SYNPO2: variants seen among roughly 807,000 people sequenced by gnomAD.
SYNPO2 encodes synaptopodin 2.
SYNPO2 carries 56 observed loss-of-function variants against 85.0 expected under a neutral mutation model. The observed-to-expected ratio is 0.66, with a 90% CI of 0.53 to 0.82. SYNPO2 has a LOEUF of 0.82. SYNPO2 is among the 40% of genes least tolerant of loss of function. The probability of loss-of-function intolerance (pLI) is 0.00; values close to 1 mark genes in which losing one functional copy is unlikely to be tolerated. For synonymous variants in SYNPO2, 602 were observed against 591.1 expected (o/e 1.02, Z -0.27); for missense variants, 1,575 against 1,534.2 (o/e 1.03, Z -0.44).
At chr4:119,032,249 ATCT>A (rs1016481884) in intron 4 of SYNPO2, 62 of 1,425,048 alleles carry the variant, frequency 4.4e-5, no homozygotes, top group Non-Finnish European at 5.5e-5. Flanking sequence ...AAATATATTT[ATCT>A]TCTTTGCACA....
intron 1 of SYNPO2, among the ~76,000 whole-genome samples, chr4:118,944,009 A>C (rs1469288080): frequency 6.6e-6 from 1 of 152,182 alleles, no homozygotes; most frequent in African/African-American, 2.4e-5. Flanking sequence ...TGTTTATTAA[A>C]GATATTACTG....
At chr4:119,001,915 A>G (rs1316766154) in intron 1 of SYNPO2, among the ~76,000 whole-genome samples, 2 of 152,104 alleles carry the variant, frequency 1.3e-5, no homozygotes. Flanking sequence ...TCTCAGTTGT[A>G]AAAATTATTC....
chr4:118,947,065 A>G (rs1475290357), intron 1 of SYNPO2, among the ~76,000 whole-genome samples: 1 of 152,228 alleles, frequency 6.6e-6, no homozygotes, highest in Non-Finnish European at 1.5e-5. Context: ...CTCTATCAAA[A>G]TGAATATTTC....
At chr4:118,946,086 A>T (rs1303656193) in intron 1 of SYNPO2, among the ~76,000 whole-genome samples, 3 of 152,162 alleles carry the variant, frequency 2.0e-5, no homozygotes, top group Non-Finnish European at 2.9e-5. Flanking sequence ...ACCTGGAAAA[A>T]GCAAGATGAC....
intron 1 of SYNPO2, among the ~76,000 whole-genome samples, chr4:118,853,872 T>C (rs994128098): frequency 6.6e-6 from 1 of 152,308 alleles, no homozygotes; most frequent in South Asian, 2.1e-4. Context: ...ACATGGAATA[T>C]GTGCAGGAAA....
chr4:119,028,791 A>G (rs1037421384), intron 3 of SYNPO2, among the ~76,000 whole-genome samples: 10 of 151,994 alleles, frequency 6.6e-5, no homozygotes, highest in African/African-American at 1.9e-4. Flanking sequence ...TTAATTTTCC[A>G]CTTAACTGTT....
Position 119,007,265 on chromosome 4 carries a change from TATATATATATGTATATAC to T in SYNPO2, c.106-16154_106-16137del, listed in dbSNP as rs1469097713. Among the ~76,000 whole-genome samples, 294 of 89,172 alleles carry T rather than the reference TATATATATATGTATATAC, an allele frequency of 3.3e-3. 3 individuals carry two copies. The highest frequency in any genetic ancestry group is 4.6e-3 in the Non-Finnish European group (220 of 48,296). 58.5% of individuals were successfully genotyped at this position (89,172 alleles called of 152,430 possible). ...ATATATGTATATACATATATATATATATATATATATGTATATACATATATATATATATGTATATACACG... is the reference window on the plus strand; with the variant it reads ...ATATATGTATATACATATATATATATATATATATATATATGTATATACACG... On this transcript the variant is annotated intron_variant, in intron 1 of 4. Transcript: ENST00000307142.
chr4:118,962,590 G>A (rs1486327859), intron 1 of SYNPO2, among the ~76,000 whole-genome samples: 1 of 152,108 alleles, frequency 6.6e-6, no homozygotes, highest in African/African-American at 2.4e-5. Flanking sequence ...TTTTTATTAG[G>A]AGAACTTTGA....
In SYNPO2 at chr4:119,023,588, C is replaced by T; in HGVS notation, c.257+7C>T. 6.2e-7 allele frequency: 1 copy of T among 1,609,210 alleles called. No homozygotes were observed. Among genetic ancestry groups the T allele is most frequent in the East Asian group, 2.2e-5 (1 of 44,766 alleles). ...TCCAAATGCTCATCAAAAGGTACAA[C>T]AGATTTGCTGGAATATGTATTTTCT... On this transcript the variant is annotated splice_region_variant and intron_variant, in intron 2 of 4. Coordinates refer to ENST00000307142, the MANE Select transcript of SYNPO2 (RefSeq NM_133477.3).
At chr4:118,868,598 A>G (rs1027104055) in intron 1 of SYNPO2, among the ~76,000 whole-genome samples, 1 of 152,218 alleles carries the variant, frequency 6.6e-6, no homozygotes, top group Non-Finnish European at 1.5e-5. Context: ...ATTCCCAATA[A>G]TCTTAATTAT....
Position 119,030,770 on chromosome 4 carries a change from G to A in SYNPO2, c.1995G>A (p.Glu665=). 6.2e-7 allele frequency: 1 copy of A among 1,614,148 alleles called. No homozygotes were observed. Among genetic ancestry groups the A allele is most frequent in the Non-Finnish European group, 8.5e-7 (1 of 1,180,036 alleles). ...WSQPAFYDSS[E]RIASRDERIS... Reference sequence around the variant, plus strand: ...AGCCAGCCTTTTACGATTCGTCTGAGCGAATAGCTTCCCGAGATGAGAGGA... The same window carrying A: ...AGCCAGCCTTTTACGATTCGTCTGAACGAATAGCTTCCCGAGATGAGAGGA... The change falls in exon 4 of 5, where the codon GAG becomes GAA. Residue 665 remains glutamate (E), a synonymous_variant. Coordinates refer to ENST00000307142, the MANE Select transcript of SYNPO2 (RefSeq NM_133477.3).
chr4:119,008,342 G>A (rs1253135871), intron 1 of SYNPO2, among the ~76,000 whole-genome samples: 2 of 152,042 alleles, frequency 1.3e-5, no homozygotes, highest in South Asian at 2.1e-4. Flanking sequence ...GCTGCTGGAG[G>A]TACTCAGTAC....
At chr4:118,867,002 TCTAA>T (rs1731708198) in intron 1 of SYNPO2, among the ~76,000 whole-genome samples, 1 of 152,186 alleles carries the variant, frequency 6.6e-6, no homozygotes, top group Non-Finnish European at 1.5e-5. Context: ...TTTTTTAAAG[TCTAA>T]CTGAGGGGTT....
At chr4:118,864,580 C>T (rs1344386365) in intron 1 of SYNPO2, among the ~76,000 whole-genome samples, 2 of 152,206 alleles carry the variant, frequency 1.3e-5, no homozygotes, top group Non-Finnish European at 2.9e-5. Context: ...CTGTCTGTCT[C>T]GTTAGCTCTA....
At chr4:118,970,278 C>T (rs1044087582) in intron 1 of SYNPO2, among the ~76,000 whole-genome samples, 3 of 152,144 alleles carry the variant, frequency 2.0e-5, no homozygotes, top group African/African-American at 7.2e-5. Context: ...CTAAGGTGCT[C>T]ACATTTTATT....
chr4:118,897,041 A>G (rs1468986258), intron 1 of SYNPO2, among the ~76,000 whole-genome samples: 1 of 152,162 alleles, frequency 6.6e-6, no homozygotes, highest in Admixed American at 6.5e-5. Flanking sequence ...CACTGCTACA[A>G]AGAACTGTTT....
intron 4 of SYNPO2, chr4:119,043,284 C>T (rs987224702): frequency 6.6e-6 from 1 of 152,094 alleles, no homozygotes; most frequent in African/African-American, 2.4e-5. Flanking sequence ...TGATGAGGGC[C>T]TATCCATTTT....
At chr4:119,042,940 G>A (rs1357627496) in intron 4 of SYNPO2, 2 of 152,220 alleles carry the variant, frequency 1.3e-5, no homozygotes, top group Non-Finnish European at 2.9e-5. Flanking sequence ...AAAGACTAAT[G>A]GGAGAGCTGG....
chr4:118,859,103 C>T (rs1014358239), intron 1 of SYNPO2, among the ~76,000 whole-genome samples: 6 of 152,120 alleles, frequency 3.9e-5, no homozygotes, highest in Admixed American at 1.3e-4. Flanking sequence ...AGGCTTTTAT[C>T]GACACCAAAG....
Sources: allele counts gnomAD v4.1 joint callset (sites outside exome capture counted in the v4.1 genomes callset), GRCh38; gene constraint gnomAD v4.1.1; transcripts MANE v1.5; gene names NCBI Gene and HGNC (gene_info 2026-07-23, HGNC 2026-07-21).